ZNF845: variants seen among roughly 807,000 people sequenced by gnomAD.
ZNF845 encodes the protein zinc finger protein 845.
A neutral mutation model predicts 76.1 loss-of-function variants in ZNF845; 59 were observed. The ratio of observed to expected loss-of-function variants is 0.78; its 90% CI spans 0.63 to 0.96. The LOEUF (loss-of-function observed/expected upper bound fraction) is 0.96. Among genes scored for constraint, ZNF845 ranks in the 40% least tolerant of loss-of-function variants. The pLI, the probability that ZNF845 is intolerant of heterozygous loss-of-function variation, is 0.00. For missense variants in ZNF845, 1,045 were observed against 1,172.8 expected (o/e 0.89, Z 1.59); for synonymous variants, 361 against 386.9 (o/e 0.93, Z 0.78).
rs762322165 is a variant in ZNF845 at position 53,352,093 on chromosome 19, G to A, written c.1418G>A (p.Gly473Asp). ...AAACCTTACAAGTGTAATGATTGTG[G>A]CAAGACCTTCAGTCAGACATCATCC... ...GEKPYKCNDC[G>D]KTFSQTSSLV... The change falls in exon 4 of 4, where the codon GGC becomes GAC. Residue 473 changes from glycine to aspartate, a missense_variant. Physicochemically the swap from Gly to Asp is moderately conservative, Grantham distance 94. Transcript: ENST00000458035. The A allele has an allele frequency of 6.2e-7, 1 of 1,613,766 alleles. No individual in the cohort carries two copies. Among genetic ancestry groups the A allele is most frequent in the Non-Finnish European group, 8.5e-7 (1 of 1,179,904 alleles).
At chr19:53,336,865 T>TG in intron 1 of ZNF845, among the ~76,000 whole-genome samples, 1 of 152,362 alleles carries the variant, frequency 6.6e-6, no homozygotes, top group African/African-American at 2.4e-5. Flanking sequence ...GAGGTCTGCA[T>TG]GCTTTCTAGT....
chr19:53,339,320 T>G (rs1009409925), intron 1 of ZNF845, among the ~76,000 whole-genome samples: 1 of 151,980 alleles, frequency 6.6e-6, no homozygotes, highest in African/African-American at 2.4e-5. Context: ...AAAAGGGGTT[T>G]TTCTCTCCAC....
intron 1 of ZNF845, chr19:53,340,914 C>T: frequency 5.1e-6 from 2 of 394,588 alleles, no homozygotes; most frequent in East Asian, 7.3e-5. Context: ...CTCGCTGGCC[C>T]CTCAGCTGCA....
rs768176905 is a variant in ZNF845 at position 53,352,369 on chromosome 19, C to G, written c.1694C>G (p.Ala565Gly). ...ECGKAFRGQS[A>G]LIYHQAIHGI... is the part of the protein sequence containing the mutation. Reference sequence around the variant, plus strand: ...GGCAAAGCCTTTCGTGGGCAGTCAGCACTTATTTACCATCAAGCAATCCAT... The same window carrying G: ...GGCAAAGCCTTTCGTGGGCAGTCAGGACTTATTTACCATCAAGCAATCCAT... The change falls in exon 4 of 4, where the codon GCA becomes GGA. Residue 565 changes from alanine (A) to glycine (G), a missense_variant. Transcript: ENST00000458035. 1 of 1,613,448 alleles carries G rather than the reference C, an allele frequency of 6.2e-7. No individual in the cohort carries two copies. Among genetic ancestry groups the G allele is most frequent in the Non-Finnish European group, 8.5e-7 (1 of 1,179,770 alleles).
Position 53,352,430 on chromosome 19 carries a change from C to T in ZNF845, c.1755C>T (p.His585=). 1 of 1,613,886 alleles carries T rather than the reference C, an allele frequency of 6.2e-7. No homozygotes were observed. Among genetic ancestry groups the T allele is most frequent in the East Asian group, 2.2e-5 (1 of 44,868 alleles). ...AACTTTACAAATGTAATGATTGTCA[C>T]CAAGTCTTTAGTAATGCTACAACCA... ...IGKLYKCNDC[H]QVFSNATTIA... The change falls in exon 4 of 4, where the codon CAC becomes CAT. Residue 585 remains histidine (H), a synonymous_variant. Transcript: ENST00000458035.
intron 3 of ZNF845, among the ~76,000 whole-genome samples, chr19:53,346,769 C>G (rs1278375176): frequency 1.3e-5 from 2 of 152,206 alleles, no homozygotes; most frequent in Non-Finnish European, 2.9e-5. Flanking sequence ...GTGTGTGTTG[C>G]ATTTTCAATA....
At chr19:53,343,108 C>T (rs1232774503) in intron 2 of ZNF845, among the ~76,000 whole-genome samples, 2 of 152,100 alleles carry the variant, frequency 1.3e-5, no homozygotes, top group Non-Finnish European at 2.9e-5. Flanking sequence ...CGTGATCCAC[C>T]GCGCCCAGCC....
Position 53,345,586 on chromosome 19 carries a change from A to T in ZNF845, c.96A>T (p.Leu32=). Reference sequence around the variant, plus strand: ...GCCTGGACCCTGCTCAGAGGACTCTATACAGGGACGTGATGCTGGAGAATT... The same window carrying T: ...GCCTGGACCCTGCTCAGAGGACTCTTTACAGGGACGTGATGCTGGAGAATT... The part of the protein sequence containing the change: ...WKCLDPAQRT[L]YRDVMLENYR... The change falls in exon 3 of 4, where the codon CTA becomes CTT. Residue 32 remains leucine, a synonymous_variant. Transcript: ENST00000458035. The T allele has an allele frequency of 6.2e-7, 1 of 1,613,558 alleles. No homozygotes were observed. The highest frequency in any genetic ancestry group is 1.7e-4 in the Middle Eastern group (1 of 6,054).
intron 1 of ZNF845, chr19:53,337,230 C>T: frequency 2.2e-6 from 1 of 453,138 alleles, no homozygotes; most frequent in Non-Finnish European, 4.4e-6. Flanking sequence ...ATGATCACGG[C>T]CCTGTGCCTT....
chr19:53,337,723 GC>G (rs1047601582), intron 1 of ZNF845, among the ~76,000 whole-genome samples: 5 of 152,020 alleles, frequency 3.3e-5, no homozygotes, highest in African/African-American at 1.2e-4. Context: ...GTCGCACCAA[GC>G]CCAGCTACTT....
rs187114554 is a variant in ZNF845, at chr19:53,351,500, T to C, written c.825T>C (p.Asp275=). The C allele has an allele frequency of 1.3e-4, 213 of 1,614,190 alleles. No homozygotes were observed. In the East Asian group the frequency reaches 4.5e-3, roughly 34 times the overall value. Residue 275 remains aspartate (D), a synonymous_variant, in exon 4 of 4, where the codon GAT becomes GAC. Coordinates refer to ENST00000458035, the MANE Select transcript of ZNF845 (RefSeq NM_138374.3). ...HTGKKPYKCN[D]CGKTFSQELT... The stretch of plus-strand genomic sequence containing the variant: ...GCAAGAAACCTTACAAGTGTAATGA[T>C]TGTGGCAAGACCTTCAGTCAGGAGT...
intron 1 of ZNF845, among the ~76,000 whole-genome samples, chr19:53,339,767 C>T (rs930711933): frequency 6.6e-6 from 1 of 152,238 alleles, no homozygotes; most frequent in Non-Finnish European, 1.5e-5. Flanking sequence ...CATTCACTCA[C>T]TCAGTAGCTA....
chr19:53,344,609 T>TTTTA (rs1307625304), intron 2 of ZNF845, among the ~76,000 whole-genome samples: 10 of 140,864 alleles, frequency 7.1e-5, no homozygotes, highest in African/African-American at 2.8e-4. Context: ...ATTTTATTTA[T>TTTTA]TTTATTTTAT....
chr19:53,342,313 C>G (rs539379767), intron 2 of ZNF845, among the ~76,000 whole-genome samples: 86 of 152,154 alleles, frequency 5.7e-4, no homozygotes, highest in African/African-American at 1.9e-3. Flanking sequence ...GACGGGCTAT[C>G]ACCATGTTGG....
At chr19:53,333,920 ACGTCCT>A (rs2085193715) in intron 1 of ZNF845, 128 bp downstream of exon 1, 1 of 154,416 alleles carries the variant, frequency 6.5e-6, no homozygotes, top group African/African-American at 2.4e-5. Context: ...GCAAATTTAG[ACGTCCT>A]CGTCAGAGTC....
rs762142686 is a variant in ZNF845 at position 53,351,036 on chromosome 19, G to A, written c.361G>A (p.Gly121Ser). ...CATGACAGAAATCAAACAGTTGACG[G>A]GTAGTACAAACCGACATGATCAAAG... ...APMTEIKQLT[G>S]STNRHDQRHA... Residue 121 changes from glycine (G) to serine (S), a missense_variant, in exon 4 of 4, where the codon GGT (glycine) becomes AGT (serine). Physicochemically the swap from Gly to Ser is moderately conservative, Grantham distance 56. Transcript: ENST00000458035. 2 of 1,614,148 alleles carry A rather than the reference G, an allele frequency of 1.2e-6. No individual in the cohort carries two copies. Among genetic ancestry groups the A allele is most frequent in the East Asian group, 4.5e-5 (2 of 44,884 alleles).
At chr19:53,348,375 A>G (rs551388007) in intron 3 of ZNF845, among the ~76,000 whole-genome samples, 1 of 152,274 alleles carries the variant, frequency 6.6e-6, no homozygotes, top group African/African-American at 2.4e-5. Flanking sequence ...TGCCAGCCAC[A>G]TTGGTTCCTG....
At chr19:53,335,374 C>T (rs1308497449) in intron 1 of ZNF845, among the ~76,000 whole-genome samples, 1 of 152,136 alleles carries the variant, frequency 6.6e-6, no homozygotes, top group Non-Finnish European at 1.5e-5. Flanking sequence ...GATCCTCTTA[C>T]CTCAGCCTCC....
intron 3 of ZNF845, chr19:53,346,401 C>T (rs530071790): frequency 7.5e-5 from 32 of 425,954 alleles, no homozygotes; most frequent in African/African-American, 3.9e-4. Flanking sequence ...AAAAAATTCT[C>T]GTGCCCCAGT....
Sources: gnomAD v4.1 joint callset for allele counts (sites outside exome capture counted in the v4.1 genomes callset) on GRCh38, gnomAD v4.1.1 for gene constraint, MANE v1.5 for transcripts, NCBI Gene and HGNC (gene_info 2026-07-23, HGNC 2026-07-21) for gene names.